PHLDB2: variants seen among roughly 807,000 people sequenced by gnomAD.
PHLDB2 encodes the protein pleckstrin homology like domain family B member 2.
Under a neutral mutation model 123.6 loss-of-function variants are expected in PHLDB2, and 71 were observed. That is an observed-to-expected ratio of 0.57 (90% CI 0.47 to 0.70). The LOEUF is 0.70. Ranked by LOEUF, PHLDB2 falls within the 30% of genes least tolerant of loss-of-function variation. The probability of loss-of-function intolerance (pLI) is 0.00; values close to 1 mark genes in which losing one functional copy is unlikely to be tolerated. For synonymous variants in PHLDB2, 547 were observed against 541.6 expected, an observed-to-expected ratio of 1.01 and a Z score of -0.14; for missense variants, 1,446 against 1,519.5, an observed-to-expected ratio of 0.95 and a Z score of 0.80.
intron 2 of PHLDB2, among the ~76,000 whole-genome samples, chr3:111,907,886 T>C (rs2067647486): frequency 6.6e-6 from 1 of 152,154 alleles, no homozygotes; most frequent in African/African-American, 2.4e-5. Context: ...AACCTCCGCC[T>C]CCTGGACTCA....
chr3:111,840,829 C>T (rs368792780), intron 1 of PHLDB2, among the ~76,000 whole-genome samples: 35 of 152,314 alleles, frequency 2.3e-4, no homozygotes, highest in African/African-American at 6.5e-4. Context: ...TGTAAGCTCA[C>T]GTAAACACTG....
At chr3:111,943,226 C>A (rs938517505) in intron 8 of PHLDB2, among the ~76,000 whole-genome samples, 5 of 151,998 alleles carry the variant, frequency 3.3e-5, no homozygotes, top group African/African-American at 1.2e-4. Flanking sequence ...AACTATAAGT[C>A]CAAAAATGGA....
intron 1 of PHLDB2, among the ~76,000 whole-genome samples, chr3:111,767,499 T>C (rs951199900): frequency 6.6e-6 from 1 of 152,232 alleles, no homozygotes; most frequent in African/African-American, 2.4e-5. Flanking sequence ...TTCTAAAAAA[T>C]TCCTGCCATG....
intron 2 of PHLDB2, among the ~76,000 whole-genome samples, chr3:111,849,954 C>T (rs1162612664): frequency 4.0e-5 from 6 of 151,812 alleles, no homozygotes; most frequent in East Asian, 1.9e-4. Flanking sequence ...CTCCGCCTCC[C>T]GGGTTCACGC....
At chr3:111,806,713 T>C (rs1025024947) in intron 1 of PHLDB2, among the ~76,000 whole-genome samples, 2 of 152,106 alleles carry the variant, frequency 1.3e-5, no homozygotes, top group Non-Finnish European at 2.9e-5. Context: ...CTTGAACTCC[T>C]GACCTCAGGT....
chr3:111,943,327 GA>G (rs1026656234), intron 8 of PHLDB2, among the ~76,000 whole-genome samples: 3 of 151,208 alleles, frequency 2.0e-5, no homozygotes, highest in Non-Finnish European at 2.9e-5. Flanking sequence ...AGTCAACATG[GA>G]AAAAAAAGTA....
chr3:111,963,050 T>C (rs1361717199), intron 13 of PHLDB2, among the ~76,000 whole-genome samples: 1 of 152,182 alleles, frequency 6.6e-6, no homozygotes, highest in African/African-American at 2.4e-5. Context: ...TGCTATTCTG[T>C]ATGTTAAAAT....
intron 1 of PHLDB2, among the ~76,000 whole-genome samples, chr3:111,866,013 C>CTTTTTTTTTTTTTTTTTTTTTTTTTTT (rs1239058039): frequency 2.1e-5 from 1 of 47,682 alleles, no homozygotes; most frequent in Admixed American, 3.3e-4. Flanking sequence ...CCCACCCACT[C>CTTTTTTTTTTTTTTTTTTTTTTTTTTT]ATTTTTTTTT....
At chr3:111,780,399 A>AGAAGAAGAAG (rs1553726800) in intron 1 of PHLDB2, among the ~76,000 whole-genome samples, 5,950 of 74,416 alleles carry the variant, frequency 0.08, 2,160 homozygotes, top group East Asian at 0.12. Flanking sequence ...AAGAAGAAGA[A>AGAAGAAGAAG]GAAGAAGAAG....
intron 5 of PHLDB2, among the ~76,000 whole-genome samples, chr3:111,921,764 G>A (rs1460271647): frequency 2.0e-5 from 3 of 152,020 alleles, no homozygotes; most frequent in African/African-American, 7.2e-5. Context: ...CACCACACCC[G>A]GCTAATTTTT....
chr3:111,877,946 T>C (rs1256460410), intron 1 of PHLDB2, among the ~76,000 whole-genome samples: 1 of 152,152 alleles, frequency 6.6e-6, no homozygotes, highest in African/African-American at 2.4e-5. Flanking sequence ...GCTGTTTTGG[T>C]TACTGTAGCC....
At chr3:111,967,926 C>A in intron 15 of PHLDB2, 102 bp downstream of exon 15, 4 of 787,114 alleles carry the variant, frequency 5.1e-6, no homozygotes, top group East Asian at 3.5e-5. Context: ...GGGCACTGAG[C>A]ATTAGCACTT....
chr3:111,892,235 T>C (rs935570940), intron 2 of PHLDB2, among the ~76,000 whole-genome samples: 3 of 152,202 alleles, frequency 2.0e-5, no homozygotes, highest in African/African-American at 7.2e-5. Context: ...CATATTAATG[T>C]TTCTGTGGTA....
chr3:111,830,440 G>T (rs1263931262), intron 1 of PHLDB2, among the ~76,000 whole-genome samples: 1 of 143,354 alleles, frequency 7.0e-6, no homozygotes, highest in Non-Finnish European at 1.5e-5. Flanking sequence ...TTAAAAAAAA[G>T]AATATATGTG....
At position 111,948,936 on chromosome 3, in the gene PHLDB2, A is replaced by C. The variant is rs2070512544; in HGVS notation, c.2492A>C (p.Tyr831Ser). Reference protein sequence around the residue: ...PVNPNTLKEGYISVNEINEPC... With the variant: ...PVNPNTLKEGSISVNEINEPC... ...CTTCTGAATTCCTCCTTTTAGGGCT[A>C]TATCAGTGTAAATGAGATTAATGAG... is the stretch of plus-strand genomic sequence containing the variant. Residue 831 changes from tyrosine to serine, a missense_variant, in exon 10 of 18, where the codon TAT becomes TCT. Coordinates refer to ENST00000431670, the MANE Select transcript of PHLDB2 (RefSeq NM_001134438.2). The C allele has an allele frequency of 1.2e-6, 2 of 1,613,750 alleles. No individual in the cohort carries two copies. Among genetic ancestry groups the C allele is most frequent in the African/African-American group, 1.3e-5 (1 of 74,914 alleles).
chr3:111,887,861 G>A (rs2066265130), intron 2 of PHLDB2, among the ~76,000 whole-genome samples: 1 of 152,016 alleles, frequency 6.6e-6, no homozygotes, highest in Non-Finnish European at 1.5e-5. Flanking sequence ...GAAATATTTA[G>A]GGTTAAGAAT....
In PHLDB2 at chr3:111,887,942, G is replaced by A. The variant is rs546847914; in HGVS notation, c.1335+2530G>A. The stretch of plus-strand genomic sequence containing the variant: ...CATTAATGAGATATTGTATTTTGTA[G>A]ACAAGCTCACAGAGAAAGTAGAGAA... On this transcript the variant is annotated intron_variant, in intron 2 of 17. Transcript: ENST00000431670. Among the ~76,000 whole-genome samples the A allele has an allele frequency of 1.7e-4, 26 of 152,198 alleles. 1 individual carries two copies. In the South Asian group the frequency reaches 3.1e-3, roughly 18 times the overall value.
intron 8 of PHLDB2, among the ~76,000 whole-genome samples, chr3:111,943,604 C>T (rs907894073): frequency 6.6e-6 from 1 of 151,920 alleles, no homozygotes; most frequent in Admixed American, 6.6e-5. Context: ...AAAGATTTTA[C>T]CAAAGAACGT....
chr3:111,951,083 T>G (rs1427898485), intron 10 of PHLDB2, among the ~76,000 whole-genome samples: 1 of 152,220 alleles, frequency 6.6e-6, no homozygotes, highest in Admixed American at 6.5e-5. Flanking sequence ...AAGTTATGAA[T>G]TTCAGAATTT....
Sources: allele counts gnomAD v4.1 joint callset (sites outside exome capture counted in the v4.1 genomes callset), GRCh38; gene constraint gnomAD v4.1.1; transcripts MANE v1.5; gene names NCBI Gene and HGNC (gene_info 2026-07-23, HGNC 2026-07-21).